Variants in TGM4 observed in about 807,000 individuals in gnomAD.
TGM4 encodes the protein protein-glutamine gamma-glutamyltransferase 4.
TGM4 carries 61 observed loss-of-function variants against 76.3 expected under a neutral mutation model. The ratio of observed to expected loss-of-function variants is 0.80; its 90% CI spans 0.65 to 0.99. The LOEUF (loss-of-function observed/expected upper bound fraction) is 0.99. TGM4 is among the 50% of genes least tolerant of loss of function. The pLI is 0.00. For synonymous variants in TGM4, 337 were observed against 329.8 expected, an observed-to-expected ratio of 1.02 and a Z score of -0.24; for missense variants, 794 against 843.2, an observed-to-expected ratio of 0.94 and a Z score of 0.72.
At chr3:44,897,956 C>A (rs930103833) in intron 6 of TGM4, among the ~76,000 whole-genome samples, 1 of 152,126 alleles carries the variant, frequency 6.6e-6, no homozygotes, top group Admixed American at 6.5e-5. Flanking sequence ...AATATATGAA[C>A]ATCTGGCCTC....
At chr3:44,885,108 C>T (rs868202113) in intron 1 of TGM4, among the ~76,000 whole-genome samples, 32 of 152,154 alleles carry the variant, frequency 2.1e-4, no homozygotes, top group African/African-American at 6.8e-4. Context: ...AGCTCATCCC[C>T]ATGTAATCCC....
At chr3:44,912,607 G>A (rs1229814957) in intron 13 of TGM4, among the ~76,000 whole-genome samples, 1 of 151,920 alleles carries the variant, frequency 6.6e-6, no homozygotes, top group African/African-American at 2.4e-5. Context: ...GAATCATCTT[G>A]TCATATAATT....
chr3:44,909,689 T>C (rs1699974183), intron 10 of TGM4, among the ~76,000 whole-genome samples: 1 of 152,164 alleles, frequency 6.6e-6, no homozygotes, highest in Non-Finnish European at 1.5e-5. Flanking sequence ...ACTCTGGAGC[T>C]GGAAAGAAGG....
intron 1 of TGM4, among the ~76,000 whole-genome samples, chr3:44,879,473 A>ATT (rs1184527794): frequency 2.4e-4 from 30 of 123,708 alleles, no homozygotes; most frequent in African/African-American, 7.3e-4. Flanking sequence ...AGCCTGGCTA[A>ATT]TTTTTTTTTT....
chr3:44,913,627 AC>A lies in TGM4; in HGVS notation c.1961del (p.Pro654GlnfsTer2). ...GACCATCCAATCCCAAATAAAATGC[AC>A]CCCAATAAAAACTGGACCCAAGAAA... ...GETIQSQIKC[T>X]PIKTGPKKFI... is the part of the protein sequence containing the mutation. On this transcript the variant is annotated frameshift_variant, in exon 14 of 14. Transcript: ENST00000296125. LOFTEE classifies it low-confidence loss of function (END_TRUNC). 6.2e-7 allele frequency: 1 copy of A among 1,614,154 alleles called. No individual in the cohort carries two copies. The highest frequency in any genetic ancestry group is 8.5e-7 in the Non-Finnish European group (1 of 1,180,016).
chr3:44,910,808 C>T (rs1220380075), intron 11 of TGM4, 150 bp from the exon 12 acceptor site: 22 of 847,396 alleles, frequency 2.6e-5, no homozygotes, highest in East Asian at 8.0e-5. Flanking sequence ...TTGAGCCCAA[C>T]GTCTTGTTTT....
intron 5 of TGM4, among the ~76,000 whole-genome samples, chr3:44,895,055 G>T (rs187834367): frequency 6.6e-6 from 1 of 152,230 alleles, no homozygotes; most frequent in Non-Finnish European, 1.5e-5. Flanking sequence ...CAGCACTTTG[G>T]GAGGCCGAAG....
chr3:44,890,109 T>A (rs990316129), intron 3 of TGM4, among the ~76,000 whole-genome samples: 1 of 152,136 alleles, frequency 6.6e-6, no homozygotes, highest in East Asian at 1.9e-4. Flanking sequence ...CTGACTATCA[T>A]GAGAACAGCA....
chr3:44,895,396 G>T (rs1463897866), intron 5 of TGM4, among the ~76,000 whole-genome samples: 2 of 152,230 alleles, frequency 1.3e-5, no homozygotes, highest in Non-Finnish European at 2.9e-5. Context: ...GGAGGCCAAG[G>T]TGGGAGGATG....
At chr3:44,907,329 AAAAAT>A in intron 10 of TGM4, 129 bp downstream of exon 10, 1 of 1,113,408 alleles carries the variant, frequency 9.0e-7, no homozygotes, top group African/African-American at 1.7e-5. Flanking sequence ...AAAAAAAAAA[AAAAAT>A]TAGCTGGGTG....
intron 11 of TGM4, 86 bp downstream of exon 11, chr3:44,910,454 C>T: frequency 3.4e-6 from 5 of 1,468,266 alleles, no homozygotes; most frequent in Non-Finnish European, 4.6e-6. Flanking sequence ...GGACAACTTC[C>T]ATACATTGAT....
rs554051822 is a variant in TGM4, at chr3:44,886,403, G to C, written c.193+905G>C. Among the ~76,000 whole-genome samples the C allele has an allele frequency of 8.5e-5, 13 of 152,306 alleles. No homozygotes were observed. The Middle Eastern group carries it at 0.01, about 120-fold the overall frequency. ...TGGCATACAATAGCACTTCCTGGGA[G>C]AGCGCTCCTTTTGCTCCTTCTCTGA... On this transcript the variant is annotated intron_variant, in intron 2 of 13. Coordinates refer to ENST00000296125, the MANE Select transcript of TGM4 (RefSeq NM_003241.4).
intron 1 of TGM4, among the ~76,000 whole-genome samples, chr3:44,881,466 G>A (rs1485182296): frequency 1.3e-5 from 2 of 152,172 alleles, no homozygotes; most frequent in Non-Finnish European, 2.9e-5. Context: ...CTCCAAGGTC[G>A]AGGAGCTGCA....
intron 1 of TGM4, among the ~76,000 whole-genome samples, chr3:44,879,472 A>G (rs546617621): frequency 7.1e-6 from 1 of 140,238 alleles, no homozygotes; most frequent in Non-Finnish European, 1.5e-5. Context: ...AAGCCTGGCT[A>G]ATTTTTTTTT....
intron 3 of TGM4, among the ~76,000 whole-genome samples, chr3:44,889,820 C>T (rs1343408027): frequency 6.6e-6 from 1 of 152,226 alleles, no homozygotes; most frequent in Admixed American, 6.5e-5. Context: ...AGACAGCTGA[C>T]ATTTAACCTT....
chr3:44,907,565 C>T (rs548145517), intron 10 of TGM4, among the ~76,000 whole-genome samples: 16 of 152,232 alleles, frequency 1.1e-4, no homozygotes, highest in Non-Finnish European at 1.3e-4. Context: ...GTCCGTTCTC[C>T]CCAGTGCCCA....
intron 7 of TGM4, 45 bp from the exon 8 acceptor site, chr3:44,901,748 C>G: frequency 6.2e-7 from 1 of 1,612,750 alleles, no homozygotes; most frequent in Non-Finnish European, 8.5e-7. Flanking sequence ...GGGAGGGACT[C>G]CCAGCCCCCA....
intron 9 of TGM4, 138 bp from the exon 10 acceptor site, chr3:44,906,811 A>C (rs1699927610): frequency 9.3e-7 from 1 of 1,078,236 alleles, no homozygotes; most frequent in African/African-American, 1.6e-5. Flanking sequence ...ATGGCCTAGG[A>C]AATGAGTACC....
At chr3:44,912,935 C>T (rs1460779685) in intron 13 of TGM4, among the ~76,000 whole-genome samples, 1 of 152,182 alleles carries the variant, frequency 6.6e-6, no homozygotes, top group Admixed American at 6.5e-5. Context: ...CAGCAAAAAA[C>T]TTTACTGAAC....
Sources: allele counts gnomAD v4.1 joint callset (sites outside exome capture counted in the v4.1 genomes callset), GRCh38; gene constraint gnomAD v4.1.1; transcripts MANE v1.5; gene names NCBI Gene and HGNC (gene_info 2026-07-23, HGNC 2026-07-21).